NALF1: variants seen among roughly 807,000 people sequenced by gnomAD.
NALF1 encodes NALCN channel auxiliary factor 1, also known as family with sequence similarity 155 member A.
Under a neutral mutation model 48.4 loss-of-function variants are expected in NALF1, and 3 were observed. The observed-to-expected ratio is 0.06, with a 90% CI of 0.03 to 0.16. NALF1 has a LOEUF of 0.16. Ranked by LOEUF, NALF1 falls within the 10% of genes least tolerant of loss-of-function variation. The probability of loss-of-function intolerance (pLI) is 1.00; values close to 1 mark genes in which losing one functional copy is unlikely to be tolerated. For missense variants in NALF1, 526 were observed against 571.5 expected, an observed-to-expected ratio of 0.92 and a Z score of 0.81; for synonymous variants, 262 against 245.7, an observed-to-expected ratio of 1.07 and a Z score of -0.62.
intron 1 of NALF1, among the ~76,000 whole-genome samples, chr13:107,344,556 C>A (rs962464236): frequency 2.0e-5 from 3 of 152,082 alleles, no homozygotes; most frequent in Non-Finnish European, 4.4e-5. Flanking sequence ...ATGTAATACA[C>A]CACATCAACC....
intron 1 of NALF1, among the ~76,000 whole-genome samples, chr13:107,527,610 A>T (rs535512699): frequency 1.3e-5 from 2 of 152,240 alleles, no homozygotes; most frequent in East Asian, 3.9e-4. Context: ...TCCAAAGCAC[A>T]TATTGAATTG....
intron 1 of NALF1, among the ~76,000 whole-genome samples, chr13:107,468,802 A>G (rs952938769): frequency 6.6e-6 from 1 of 152,180 alleles, no homozygotes; most frequent in Admixed American, 6.5e-5. Flanking sequence ...GGCAACAAAC[A>G]AGAGAGAAAA....
chr13:107,372,678 T>C (rs187124131), intron 1 of NALF1, among the ~76,000 whole-genome samples: 1 of 152,286 alleles, frequency 6.6e-6, no homozygotes, highest in East Asian at 1.9e-4. Flanking sequence ...TTAGATAAGA[T>C]AATAGAAAAC....
chr13:107,662,730 T>G (rs1343144335), intron 1 of NALF1, among the ~76,000 whole-genome samples: 1 of 152,138 alleles, frequency 6.6e-6, no homozygotes, highest in East Asian at 1.9e-4. Context: ...AAAGAAATTT[T>G]TAAAAGGGAA....
chr13:107,389,031 C>T (rs1045431971), intron 1 of NALF1, among the ~76,000 whole-genome samples: 1 of 152,168 alleles, frequency 6.6e-6, no homozygotes, highest in Admixed American at 6.6e-5. Flanking sequence ...ATAAAATAGT[C>T]GCCGCACTGA....
chr13:107,190,786 C>G (rs1170022579), intron 2 of NALF1, among the ~76,000 whole-genome samples: 2 of 151,964 alleles, frequency 1.3e-5, no homozygotes, highest in Admixed American at 6.6e-5. Context: ...TTTAATATTT[C>G]CAGTAGAAAA....
chr13:107,566,730 A>AT lies in NALF1; in HGVS notation c.915+298951dup, dbSNP rs200613274. ...CCTTTCTAACGAATGATTTTGTCATATTTTTTTCCGATTTCCAATTTCATA... is the reference window on the plus strand; with the variant it reads ...CCTTTCTAACGAATGATTTTGTCATATTTTTTTTCCGATTTCCAATTTCATA... On this transcript the variant is annotated intron_variant, in intron 1 of 2. Transcript: ENST00000375915. Among the ~76,000 whole-genome samples the AT allele has an allele frequency of 3.9e-4, 59 of 152,220 alleles. No individual in the cohort carries two copies. In the East Asian group the frequency reaches 0.01, roughly 26 times the overall value.
intron 1 of NALF1, among the ~76,000 whole-genome samples, chr13:107,305,103 T>C (rs1224685615): frequency 6.6e-6 from 1 of 152,220 alleles, no homozygotes; most frequent in East Asian, 1.9e-4. Context: ...CTTATAGTCA[T>C]AGCCTCACAC....
chr13:107,722,009 G>A (rs1002564973), intron 1 of NALF1, among the ~76,000 whole-genome samples: 7 of 152,194 alleles, frequency 4.6e-5, no homozygotes, highest in African/African-American at 1.2e-4. Flanking sequence ...AGTTTAAGAC[G>A]ATTATTAACT....
intron 2 of NALF1, among the ~76,000 whole-genome samples, chr13:107,173,379 C>T (rs1255134468): frequency 6.6e-6 from 1 of 152,188 alleles, no homozygotes; most frequent in Non-Finnish European, 1.5e-5. Context: ...ATTCTTAGCT[C>T]AACCATGTAG....
chr13:107,343,543 G>C (rs532169133), intron 1 of NALF1, among the ~76,000 whole-genome samples: 1 of 152,092 alleles, frequency 6.6e-6, no homozygotes, highest in Non-Finnish European at 1.5e-5. Context: ...CTTGCCTTCT[G>C]CCATGATTGT....
At chr13:107,721,854 G>C (rs981567443) in intron 1 of NALF1, among the ~76,000 whole-genome samples, 2 of 152,152 alleles carry the variant, frequency 1.3e-5, no homozygotes, top group African/African-American at 2.4e-5. Context: ...TCTGATGTCT[G>C]ATCATCACAA....
At chr13:107,734,431 C>CAA (rs1876407353) in intron 1 of NALF1, among the ~76,000 whole-genome samples, 1 of 151,710 alleles carries the variant, frequency 6.6e-6, no homozygotes, top group Non-Finnish European at 1.5e-5. Flanking sequence ...CACACACACA[C>CAA]AATGGAATTA....
At chr13:107,584,407 T>C (rs1027499458) in intron 1 of NALF1, among the ~76,000 whole-genome samples, 2 of 152,194 alleles carry the variant, frequency 1.3e-5, no homozygotes, top group Non-Finnish European at 1.5e-5. Flanking sequence ...TGAGTTTTCT[T>C]CTAAATTTTA....
At chr13:107,277,440 A>G (rs1303396112) in intron 1 of NALF1, among the ~76,000 whole-genome samples, 2 of 152,194 alleles carry the variant, frequency 1.3e-5, no homozygotes, top group Non-Finnish European at 2.9e-5. Flanking sequence ...TAAAAACTCA[A>G]CTACCCAGAA....
At chr13:107,526,133 T>C (rs1876428600) in intron 1 of NALF1, among the ~76,000 whole-genome samples, 1 of 152,148 alleles carries the variant, frequency 6.6e-6, no homozygotes, top group Non-Finnish European at 1.5e-5. Flanking sequence ...CTTTTAACTG[T>C]CTTTTTTTAC....
At chr13:107,686,704 A>C (rs1881440633) in intron 1 of NALF1, among the ~76,000 whole-genome samples, 1 of 151,820 alleles carries the variant, frequency 6.6e-6, no homozygotes, top group Admixed American at 6.6e-5. Context: ...CAAAATGCTC[A>C]ATATAACAAT....
chr13:107,590,894 C>G (rs1878585191), intron 1 of NALF1, among the ~76,000 whole-genome samples: 1 of 151,932 alleles, frequency 6.6e-6, no homozygotes, highest in Non-Finnish European at 1.5e-5. Context: ...GTCTTACAGA[C>G]ACCTGAAATC....
At chr13:107,392,528 A>C (rs1235689915) in intron 1 of NALF1, among the ~76,000 whole-genome samples, 12 of 152,086 alleles carry the variant, frequency 7.9e-5, no homozygotes, top group Non-Finnish European at 1.5e-4. Context: ...ACAGGTTCTC[A>C]CTGTAAACAT....
Sources: gnomAD v4.1 joint callset for allele counts (sites outside exome capture counted in the v4.1 genomes callset) on GRCh38, gnomAD v4.1.1 for gene constraint, MANE v1.5 for transcripts, NCBI Gene and HGNC (gene_info 2026-07-23, HGNC 2026-07-21) for gene names.